Variants in SERINC5 observed in about 807,000 individuals in gnomAD.
The protein encoded by SERINC5 is chromosome 5 open reading frame 12.
SERINC5 carries 41 observed loss-of-function variants against 63.1 expected under a neutral mutation model. The observed-to-expected ratio is 0.65, with a 90% CI of 0.51 to 0.84. The LOEUF is 0.84. SERINC5 is among the 40% of genes least tolerant of loss of function. SERINC5 has a pLI of 0.00. For synonymous variants in SERINC5, 222 were observed against 215.2 expected, an observed-to-expected ratio of 1.03 and a Z score of -0.28; for missense variants, 523 against 573.0, an observed-to-expected ratio of 0.91 and a Z score of 0.89.
intron 1 of SERINC5, chr5:80,254,980 G>C (rs1399928251): frequency 6.6e-6 from 1 of 152,204 alleles, no homozygotes; most frequent in Non-Finnish European, 1.5e-5. Context: ...ATGCTCCCTA[G>C]AGTCTGATTC....
intron 2 of SERINC5, 91 bp downstream of exon 2, chr5:80,202,795 G>A (rs532843730): frequency 3.1e-6 from 4 of 1,299,140 alleles, no homozygotes; most frequent in African/African-American, 2.9e-5. Flanking sequence ...AACACATGGG[G>A]GTACATGGAC....
chr5:80,190,522 A>G (rs755441563), intron 2 of SERINC5, among the ~76,000 whole-genome samples: 6 of 152,196 alleles, frequency 3.9e-5, no homozygotes, highest in Non-Finnish European at 8.8e-5. Context: ...CTCATTCCCA[A>G]CTACTATGTG....
chr5:80,233,255 A>G (rs1049380976), intron 1 of SERINC5, among the ~76,000 whole-genome samples: 3 of 152,084 alleles, frequency 2.0e-5, no homozygotes, highest in African/African-American at 7.2e-5. Context: ...GAGAAACCCT[A>G]TCTCTACTAA....
At chr5:80,186,251 CT>C (rs1429002117) in intron 2 of SERINC5, among the ~76,000 whole-genome samples, 2 of 151,854 alleles carry the variant, frequency 1.3e-5, no homozygotes, top group Admixed American at 6.6e-5. Context: ...ATTCTCCTGC[CT>C]CAGCCTCCCG....
chr5:80,140,332 A>AAG lies in SERINC5; in HGVS notation c.*3330_*3331insCT. The AAG allele has an allele frequency of 2.8e-6, 2 of 713,166 alleles. No individual in the cohort carries two copies. The highest frequency in any genetic ancestry group is 2.1e-5 in the African/African-American group (1 of 46,858). 44.2% of individuals were successfully genotyped at this position (713,166 alleles called of 1,614,324 possible). On this transcript the variant is annotated 3_prime_UTR_variant, in exon 12 of 12. Coordinates refer to ENST00000507668, the MANE Select transcript of SERINC5 (RefSeq NM_001174072.3). ...AAAAAAAAAAAAAAAAAAAAAAAAA[A>AAG]GGCTTAGGGTGACAATTTTGACATG...
chr5:80,141,896 GA>G lies in SERINC5; in HGVS notation c.*1766del. The stretch of plus-strand genomic sequence containing the variant: ...CTGAATCTCAAACACTCTAAGTAGG[GA>G]AAGTTCTAAAGGAATTCATCCCCTG... On this transcript the variant is annotated 3_prime_UTR_variant, in exon 12 of 12. Coordinates refer to ENST00000507668, the MANE Select transcript of SERINC5 (RefSeq NM_001174072.3). The G allele has an allele frequency of 1.0e-6, 1 of 985,446 alleles. No individual in the cohort carries two copies. 61.0% of individuals were successfully genotyped at this position (985,446 alleles called of 1,614,324 possible). A position where few individuals can be genotyped will look rare whatever the true frequency, so the allele number is the denominator to read the frequency against.
rs749237059 is a variant in SERINC5 at position 80,160,980 on chromosome 5, ATG to A, written c.860-2020_860-2019del. Reference sequence around the variant, plus strand: ...TATGTGTGTGTATATATATGTATATATGTGTGTATATGTATATATATACGTGT... The same window carrying A: ...TATGTGTGTGTATATATATGTATATATGTGTATATGTATATATATACGTGT... On this transcript the variant is annotated intron_variant, in intron 7 of 11. Coordinates refer to ENST00000507668, the MANE Select transcript of SERINC5 (RefSeq NM_001174072.3). Among the ~76,000 whole-genome samples, 57 of 148,554 alleles carry A rather than the reference ATG, an allele frequency of 3.8e-4. 2 individuals are homozygous for A. Among genetic ancestry groups the A allele is most frequent in the South Asian group, 4.2e-4 (2 of 4,794 alleles).
intron 2 of SERINC5, among the ~76,000 whole-genome samples, chr5:80,199,036 C>T (rs1340867116): frequency 1.3e-5 from 2 of 152,212 alleles, no homozygotes; most frequent in Non-Finnish European, 2.9e-5. Flanking sequence ...CCCTCTGTTT[C>T]CATGATATAG....
intron 2 of SERINC5, among the ~76,000 whole-genome samples, chr5:80,196,224 A>T (rs10043379): frequency 0.33 from 49,954 of 151,916 alleles, 9,276 homozygotes; most frequent in East Asian, 0.82. Context: ...GGATGATCAA[A>T]GCCAGAAATG....
At position 80,185,825 on chromosome 5, in the gene SERINC5, G is replaced by A. The variant is rs183614156; in HGVS notation, c.196-7761C>T. Reference sequence around the variant, plus strand: ...ATTTACACTTCTTTTGTGGTGGAATGTCATCAGTTAAGGCGGGGCAGGGCA... The same window carrying A: ...ATTTACACTTCTTTTGTGGTGGAATATCATCAGTTAAGGCGGGGCAGGGCA... On this transcript the variant is annotated intron_variant, in intron 2 of 11. Transcript: ENST00000507668. 9.3e-3 allele frequency among the ~76,000 whole-genome samples: 1,415 copies of A among 152,192 alleles called. 9 individuals carry two copies. Among genetic ancestry groups the A allele is most frequent in the Non-Finnish European group, 0.015 (1,014 of 68,020 alleles).
At chr5:80,224,994 G>T (rs1164049487) in intron 1 of SERINC5, among the ~76,000 whole-genome samples, 2 of 150,488 alleles carry the variant, frequency 1.3e-5, no homozygotes, top group East Asian at 2.0e-4. Flanking sequence ...AGGCTGGAGT[G>T]CAATGGCGTG....
rs1158021343 is a variant in SERINC5 at position 80,249,734 on chromosome 5, G to A, written c.27+6162C>T. Among the ~76,000 whole-genome samples the A allele has an allele frequency of 1.1e-4, 16 of 152,092 alleles. No homozygotes were observed. The East Asian group carries it at 1.2e-3, about 11-fold the overall frequency. On this transcript the variant is annotated intron_variant, in intron 1 of 11. Transcript: ENST00000507668. ...GGAGAACTGCTTGAACCTGGGAGGC[G>A]GAGGTTGCAGTGAGCCAAGATCACG...
chr5:80,196,921 C>A (rs148820266), intron 2 of SERINC5, among the ~76,000 whole-genome samples: 193 of 152,220 alleles, frequency 1.3e-3, no homozygotes, highest in African/African-American at 4.4e-3. Flanking sequence ...GCCTGGGTAA[C>A]AGAGTGAAAC....
rs556661904 is a variant in SERINC5 at position 80,245,950 on chromosome 5, G to A, written c.27+9946C>T. Among the ~76,000 whole-genome samples the A allele has an allele frequency of 2.1e-4, 28 of 133,056 alleles. No individual in the cohort carries two copies. The South Asian group carries it at 4.0e-3, about 19-fold the overall frequency. 87.3% of individuals were successfully genotyped at this position (133,056 alleles called of 152,430 possible). On this transcript the variant is annotated intron_variant, in intron 1 of 11. Coordinates refer to ENST00000507668, the MANE Select transcript of SERINC5 (RefSeq NM_001174072.3). ...TTTATCAATTGACATTTTACTTTAG[G>A]GATTGTCAGCTCTTTAAAAAAAAAA... is the stretch of plus-strand genomic sequence containing the variant.
Position 80,251,334 on chromosome 5 carries a change from ACATG to A in SERINC5, c.27+4558_27+4561del, listed in dbSNP as rs1752410105. Among the ~76,000 whole-genome samples the A allele has an allele frequency of 5.6e-5, 8 of 143,414 alleles. No homozygotes were observed. In the South Asian group the frequency reaches 1.8e-3, roughly 32 times the overall value. 94.1% of individuals were successfully genotyped at this position (143,414 alleles called of 152,430 possible). A position where few individuals can be genotyped will look rare whatever the true frequency, so the allele number is the denominator to read the frequency against. Reference sequence around the variant, plus strand: ...TACATACATACATACATACATACATACATGGGTTTTCATTGAGGAAAATCTTGGT... The same window carrying A: ...TACATACATACATACATACATACATAGGTTTTCATTGAGGAAAATCTTGGT... On this transcript the variant is annotated intron_variant, in intron 1 of 11. Transcript: ENST00000507668.
rs1367388394 is a variant in SERINC5, at chr5:80,143,637, C to T, written c.*26G>A. On this transcript the variant is annotated 3_prime_UTR_variant, in exon 12 of 12. Transcript: ENST00000507668. Reference sequence around the variant, plus strand: ...TGGCACTTTCCAGGCTGTAGGCCCACAAAGCCCAGGGGACCGCCGATATCA... The same window carrying T: ...TGGCACTTTCCAGGCTGTAGGCCCATAAAGCCCAGGGGACCGCCGATATCA... 1.3e-6 allele frequency: 2 copies of T among 1,533,064 alleles called. No individual in the cohort carries two copies. The highest frequency in any genetic ancestry group is 2.4e-5 in the South Asian group (2 of 83,948). 95.0% of individuals were successfully genotyped at this position (1,533,064 alleles called of 1,614,324 possible).
At chr5:80,129,894 C>T (rs1744875030) in intron 11 of SERINC5, among the ~76,000 whole-genome samples, 2 of 152,084 alleles carry the variant, frequency 1.3e-5, no homozygotes, top group African/African-American at 4.8e-5. Context: ...GCTAAATGTG[C>T]CAGGCAATTT....
intron 12 of SERINC5, among the ~76,000 whole-genome samples, chr5:80,112,562 T>C (rs1744158217): frequency 6.6e-6 from 1 of 152,170 alleles, no homozygotes; most frequent in South Asian, 2.1e-4. Flanking sequence ...TCTTTCTCTA[T>C]ACTTTGTCTC....
chr5:80,197,901 G>C (rs993303820), intron 2 of SERINC5, among the ~76,000 whole-genome samples: 2 of 152,058 alleles, frequency 1.3e-5, no homozygotes, highest in Non-Finnish European at 2.9e-5. Context: ...GTGCAGTGCC[G>C]GGATCTCGGC....
Sources: gnomAD v4.1 joint callset for allele counts (sites outside exome capture counted in the v4.1 genomes callset) on GRCh38, gnomAD v4.1.1 for gene constraint, MANE v1.5 for transcripts, NCBI Gene and HGNC (gene_info 2026-07-23, HGNC 2026-07-21) for gene names.